Variants in CCDC57 observed in about 807,000 individuals in gnomAD.
CCDC57 encodes the protein coiled-coil domain-containing protein 57.
Under a neutral mutation model 118.9 loss-of-function variants are expected in CCDC57, and 118 were observed. The observed-to-expected ratio is 0.99, with a 90% CI of 0.86 to 1.16. The LOEUF is 1.16. Ranked by LOEUF, CCDC57 falls within the 50% of genes most tolerant of loss-of-function variation. The probability of loss-of-function intolerance (pLI) is 0.00; values close to 1 mark genes in which losing one functional copy is unlikely to be tolerated. For synonymous variants in CCDC57, 527 were observed against 532.9 expected (o/e 0.99, Z 0.15); for missense variants, 1,300 against 1,320.7 (o/e 0.98, Z 0.24).
intron 19 of CCDC57, chr17:82,126,814 A>T: frequency 7.1e-6 from 7 of 985,470 alleles, no homozygotes; most frequent in Non-Finnish European, 8.4e-6. Context: ...AAAGGACTGG[A>T]AATAGCCTAA....
At chr17:82,143,897 G>A (rs1260329707) in intron 16 of CCDC57, among the ~76,000 whole-genome samples, 10 of 148,364 alleles carry the variant, frequency 6.7e-5, no homozygotes, top group Admixed American at 1.4e-4. Context: ...TCAGGAGTTC[G>A]AGACCAGCCT....
At chr17:82,160,128 A>C (rs954188151) in intron 14 of CCDC57, 6 of 152,224 alleles carry the variant, frequency 3.9e-5, no homozygotes, top group African/African-American at 1.2e-4. Flanking sequence ...CAGAGGCTGC[A>C]GGGAAGGCGT....
At chr17:82,178,579 C>T in exon 11 of CCDC57, 1 of 1,613,100 alleles carries the variant, frequency 6.2e-7, no homozygotes, top group South Asian at 1.1e-5. Flanking sequence ...GTAGCGCCTG[C>T]TCTGTCTCCT....
In CCDC57 at chr17:82,101,864, GCT is replaced by G. The variant is rs1319824676; in HGVS notation, c.2900_2901del (p.Glu967AlafsTer45). ...CTGTCGGCTGCTGGAGGAGCTGGGA[GCT>G]CTGTCAGGTAAAGAGGAAAAAACAG... On this transcript the variant is annotated frameshift_variant and splice_region_variant, in exon 20 of 20. Transcript: ENST00000665763. LOFTEE classifies it low-confidence loss of function (END_TRUNC). 2 of 1,571,704 alleles carry G rather than the reference GCT, an allele frequency of 1.3e-6. No individual in the cohort carries two copies. The highest frequency in any genetic ancestry group is 1.7e-6 in the Non-Finnish European group (2 of 1,161,560).
chr17:82,141,096 C>T lies in CCDC57; in HGVS notation c.2456-6902G>A, dbSNP rs186825581. Among the ~76,000 whole-genome samples the T allele has an allele frequency of 2.7e-3, 412 of 151,372 alleles. 1 individual carries two copies. The highest frequency in any genetic ancestry group is 4.3e-3 in the Admixed American group (65 of 15,196). Reference sequence around the variant, plus strand: ...TGTGATCTCCACTCACTGCAACCTCCGCCTCCCAGGTTCAAGCTATTCTCC... The same window carrying T: ...TGTGATCTCCACTCACTGCAACCTCTGCCTCCCAGGTTCAAGCTATTCTCC... On this transcript the variant is annotated intron_variant, in intron 16 of 19. Transcript: ENST00000665763.
chr17:82,174,918 C>T (rs530317729), intron 11 of CCDC57, among the ~76,000 whole-genome samples: 6 of 152,168 alleles, frequency 3.9e-5, no homozygotes, highest in African/African-American at 7.2e-5. Context: ...GAGCGTTAGC[C>T]GTCTCTTTGG....
chr17:82,126,288 A>G (rs2037424116), intron 19 of CCDC57: 2 of 412,738 alleles, frequency 4.8e-6, no homozygotes, highest in Non-Finnish European at 2.8e-6. Flanking sequence ...CTCAAAGGAA[A>G]AAAAAAAAAA....
At chr17:82,163,140 C>G in intron 14 of CCDC57, 60 bp downstream of exon 13, 1 of 1,578,992 alleles carries the variant, frequency 6.3e-7, no homozygotes, top group Non-Finnish European at 8.7e-7. Context: ...TCAGAGCCCA[C>G]GCGCTCTCCC....
chr17:82,186,302 C>T (rs1342294871), intron 8 of CCDC57, among the ~76,000 whole-genome samples: 3 of 152,080 alleles, frequency 2.0e-5, no homozygotes, highest in East Asian at 1.9e-4. Flanking sequence ...GGACAGAAAA[C>T]GAAAAGACAT....
At chr17:82,191,569 C>T (rs1316906054) in intron 7 of CCDC57, among the ~76,000 whole-genome samples, 3 of 152,180 alleles carry the variant, frequency 2.0e-5, no homozygotes, top group African/African-American at 7.2e-5. Context: ...CCAGAGACAG[C>T]CCATCCTCTG....
exon 13 of CCDC57, chr17:82,171,747 A>G: frequency 1.2e-6 from 2 of 1,613,790 alleles, no homozygotes; most frequent in South Asian, 2.2e-5. Flanking sequence ...ACTCAGCATG[A>G]GGTGAGGACA....
At chr17:82,194,314 T>TC in intron 5 of CCDC57, 175 bp from the exon 5 acceptor site, 2 of 650,030 alleles carry the variant, frequency 3.1e-6, no homozygotes, top group Non-Finnish European at 5.0e-6. Context: ...AATGACTTTT[T>TC]TTTTTTTCTT....
At chr17:82,108,438 C>T (rs972258059) in intron 19 of CCDC57, among the ~76,000 whole-genome samples, 6 of 152,264 alleles carry the variant, frequency 3.9e-5, no homozygotes, top group African/African-American at 4.8e-5. Context: ...CAGGGTCCGC[C>T]GAAAGCCTAA....
At chr17:82,175,509 C>T (rs2146324667) in intron 11 of CCDC57, 1 of 152,358 alleles carries the variant, frequency 6.6e-6, no homozygotes, top group East Asian at 1.9e-4. Flanking sequence ...CTCACTGCCT[C>T]CTTTGGAGAG....
In CCDC57 at chr17:82,108,041, C is replaced by T. The variant is rs574338907; in HGVS notation, c.2900-6175G>A. 4.6e-5 allele frequency among the ~76,000 whole-genome samples: 7 copies of T among 152,314 alleles called. No individual in the cohort carries two copies. The East Asian group carries it at 1.3e-3, about 29-fold the overall frequency. ...GCTCCTGGGGCAGGCTGGTCTCTAT[C>T]CCCATTCCCAATCCCACGTGCCTCC... is the stretch of plus-strand genomic sequence containing the variant. On this transcript the variant is annotated intron_variant, in intron 19 of 19. Coordinates refer to ENST00000665763, the Ensembl canonical transcript of CCDC57.
Position 82,157,887 on chromosome 17 carries a change from T to TG in CCDC57, c.2101dup (p.Gln701ProfsTer15). On this transcript the variant is annotated frameshift_variant, in exon 15 of 20. Coordinates refer to ENST00000665763, the Ensembl canonical transcript of CCDC57. LOFTEE classifies it high-confidence loss of function. ...CAGCTCCAAAACCTCCAGGTGTACC[T>TG]GGTCCACCTCACGGGGAAGCTCACG... 6.3e-7 allele frequency: 1 copy of TG among 1,575,074 alleles called. No individual in the cohort carries two copies. Among genetic ancestry groups the TG allele is most frequent in the Middle Eastern group, 1.7e-4 (1 of 5,976 alleles).
At chr17:82,178,958 A>C in intron 10 of CCDC57, 69 bp downstream of exon 9, 1 of 1,520,334 alleles carries the variant, frequency 6.6e-7, no homozygotes, top group Non-Finnish European at 8.9e-7. Context: ...TAAGAACCAG[A>C]CCCGTCCTGC....
chr17:82,103,192 C>A (rs1421888383), intron 19 of CCDC57, among the ~76,000 whole-genome samples: 1 of 152,236 alleles, frequency 6.6e-6, no homozygotes, highest in Non-Finnish European at 1.5e-5. Flanking sequence ...CACTCCCAGC[C>A]CTGGCCCTGG....
chr17:82,132,111 T>C (rs1347782632), intron 17 of CCDC57, among the ~76,000 whole-genome samples: 109 of 112,684 alleles, frequency 9.7e-4, no homozygotes, highest in African/African-American at 3.8e-3. Flanking sequence ...AGAGCGAGAC[T>C]CTGTCTCAAA....
Sources: gnomAD v4.1 joint callset for allele counts (sites outside exome capture counted in the v4.1 genomes callset) on GRCh38, gnomAD v4.1.1 for gene constraint, MANE v1.5 for transcripts, NCBI Gene and HGNC (gene_info 2026-07-23, HGNC 2026-07-21) for gene names.